Variants in DLG2 observed in about 807,000 individuals in gnomAD.
The protein encoded by DLG2 is discs large MAGUK scaffold protein 2.
DLG2 carries 45 observed loss-of-function variants against 132.5 expected under a neutral mutation model. That is an observed-to-expected ratio of 0.34 (90% CI 0.27 to 0.44). The LOEUF (loss-of-function observed/expected upper bound fraction) is 0.44, where lower values mean the gene tolerates loss of function less well. Ranked by LOEUF, DLG2 falls within the 20% of genes least tolerant of loss-of-function variation. The pLI is 1.00. For missense variants in DLG2, 1,045 were observed against 1,196.9 expected (o/e 0.87, Z 1.87); for synonymous variants, 424 against 419.6 (o/e 1.01, Z -0.13).
chr11:83,612,903 C>G (rs1047692891), intron 19 of DLG2, among the ~76,000 whole-genome samples: 1 of 152,104 alleles, frequency 6.6e-6, no homozygotes, highest in Non-Finnish European at 1.5e-5. Context: ...TTAAAATAGT[C>G]TTCTTTACCT....
At chr11:85,341,717 T>C (rs1330115880) in intron 3 of DLG2, among the ~76,000 whole-genome samples, 1 of 152,174 alleles carries the variant, frequency 6.6e-6, no homozygotes, top group Non-Finnish European at 1.5e-5. Flanking sequence ...GAGGATACAT[T>C]CTGAGAAATG....
chr11:84,324,407 T>C (rs1286809100), intron 7 of DLG2, among the ~76,000 whole-genome samples: 1 of 152,144 alleles, frequency 6.6e-6, no homozygotes, highest in African/African-American at 2.4e-5. Context: ...TTTCATTAAT[T>C]TGTATGTCCA....
At chr11:85,600,223 A>C (rs769101386) in intron 2 of DLG2, among the ~76,000 whole-genome samples, 4 of 152,218 alleles carry the variant, frequency 2.6e-5, no homozygotes, top group Admixed American at 1.3e-4. Flanking sequence ...TCTCTTGAGC[A>C]CTGGAATATA....
At chr11:84,793,379 C>A (rs2074139400) in intron 6 of DLG2, among the ~76,000 whole-genome samples, 1 of 152,032 alleles carries the variant, frequency 6.6e-6, no homozygotes, top group African/African-American at 2.4e-5. Context: ...TATTTTTGGC[C>A]ACTGGATGAA....
chr11:84,401,872 G>A (rs977878202), intron 7 of DLG2, among the ~76,000 whole-genome samples: 5 of 152,096 alleles, frequency 3.3e-5, no homozygotes, highest in African/African-American at 1.2e-4. Context: ...TAGAGACAGG[G>A]TTTCACGTCA....
chr11:83,899,076 A>G (rs1248122592), intron 15 of DLG2, among the ~76,000 whole-genome samples: 1 of 150,966 alleles, frequency 6.6e-6, no homozygotes, highest in Non-Finnish European at 1.5e-5. Context: ...GTGAATGAGG[A>G]TATTTTCAAG....
chr11:84,855,600 A>C (rs2082680651), intron 6 of DLG2, among the ~76,000 whole-genome samples: 1 of 152,082 alleles, frequency 6.6e-6, no homozygotes, highest in Non-Finnish European at 1.5e-5. Flanking sequence ...CAGCTCTTCC[A>C]AGGTGGTCAC....
chr11:85,286,151 C>G, intron 3 of DLG2: 1 of 446,842 alleles, frequency 2.2e-6, no homozygotes, highest in Middle Eastern at 3.3e-4. Flanking sequence ...GGAAACTATA[C>G]AAAAGCATCA....
chr11:85,114,807 C>T (rs888923904), intron 5 of DLG2, among the ~76,000 whole-genome samples: 1 of 151,896 alleles, frequency 6.6e-6, no homozygotes, highest in African/African-American at 2.4e-5. Context: ...TCTCAAACAA[C>T]CCCATCCCTC....
chr11:84,677,145 T>C (rs74996798), intron 6 of DLG2, among the ~76,000 whole-genome samples: 1,698 of 152,150 alleles, frequency 0.011, 14 homozygotes, highest in Non-Finnish European at 0.017. Context: ...TTTTCGGGGA[T>C]GGAAATCAAC....
At chr11:84,726,120 T>C (rs2062420236) in intron 6 of DLG2, among the ~76,000 whole-genome samples, 3 of 152,008 alleles carry the variant, frequency 2.0e-5, no homozygotes, top group South Asian at 4.1e-4. Context: ...CTGTAATTTA[T>C]TTATTATTAT....
At chr11:83,838,129 C>A (rs991702537) in intron 16 of DLG2, among the ~76,000 whole-genome samples, 1 of 151,890 alleles carries the variant, frequency 6.6e-6, no homozygotes, top group Non-Finnish European at 1.5e-5. Context: ...TTATATGAAT[C>A]ATTTGATTTA....
intron 3 of DLG2, among the ~76,000 whole-genome samples, chr11:85,523,862 A>G (rs1172413099): frequency 6.6e-6 from 1 of 152,202 alleles, no homozygotes; most frequent in Non-Finnish European, 1.5e-5. Context: ...GAATAAAGAA[A>G]ATGCGGTACA....
chr11:84,968,886 A>G (rs185933806), intron 6 of DLG2, among the ~76,000 whole-genome samples: 12 of 152,280 alleles, frequency 7.9e-5, no homozygotes, highest in Non-Finnish European at 1.6e-4. Context: ...ATAATTTTAA[A>G]TGCAATTTAA....
intron 16 of DLG2, among the ~76,000 whole-genome samples, chr11:83,872,071 C>T (rs2063559341): frequency 6.6e-6 from 1 of 152,080 alleles, no homozygotes; most frequent in Non-Finnish European, 1.5e-5. Flanking sequence ...TGAGACCAGC[C>T]TGGCAAATAT....
intron 21 of DLG2, among the ~76,000 whole-genome samples, chr11:83,503,392 T>G (rs371229050): frequency 6.8e-5 from 3 of 44,248 alleles, no homozygotes; most frequent in Admixed American, 2.4e-4. Context: ...TATATATATA[T>G]ATATATATAT....
At chr11:84,555,560 A>G (rs1414440710) in intron 6 of DLG2, among the ~76,000 whole-genome samples, 1 of 152,232 alleles carries the variant, frequency 6.6e-6, no homozygotes, top group African/African-American at 2.4e-5. Flanking sequence ...ATAGGTTGGT[A>G]ATAAAAAGAC....
intron 15 of DLG2, among the ~76,000 whole-genome samples, chr11:83,878,725 T>C (rs555223786): frequency 6.6e-6 from 1 of 152,184 alleles, no homozygotes; most frequent in East Asian, 1.9e-4. Flanking sequence ...TGACAATGAA[T>C]AGTGGGTGGG....
intron 16 of DLG2, among the ~76,000 whole-genome samples, 176 bp downstream of exon 16, chr11:83,874,244 A>AAGGGAAGGAAGGAAGGAGAGAGGG (rs202089081): frequency 1.1e-4 from 3 of 27,998 alleles, no homozygotes; most frequent in African/African-American, 8.7e-4. Context: ...ACAAAGAAAG[A>AAGGGAAGGAAGGAAGGAGAGAGGG]AGGGAAGGAA....
Sources: gnomAD v4.1 joint callset for allele counts (sites outside exome capture counted in the v4.1 genomes callset) on GRCh38, gnomAD v4.1.1 for gene constraint, MANE v1.5 for transcripts, NCBI Gene and HGNC (gene_info 2026-07-23, HGNC 2026-07-21) for gene names.